RGS12: variants seen among roughly 807,000 people sequenced by gnomAD.
RGS12 encodes the protein regulator of G-protein signaling 12.
Under a neutral mutation model 120.1 loss-of-function variants are expected in RGS12, and 66 were observed. The observed-to-expected ratio is 0.55, with a 90% CI of 0.45 to 0.67. RGS12 has a LOEUF of 0.67. RGS12 is among the 30% of genes least tolerant of loss of function. RGS12 has a pLI of 0.00. For synonymous variants in RGS12, 827 were observed against 804.7 expected, an observed-to-expected ratio of 1.03 and a Z score of -0.47; for missense variants, 1,859 against 1,957.7, an observed-to-expected ratio of 0.95 and a Z score of 0.95.
intron 3 of RGS12, among the ~76,000 whole-genome samples, chr4:3,380,166 TCCAAAATGCAATAGGGCAGTCATTAAA>T (rs1445524588): frequency 3.0e-4 from 46 of 152,198 alleles, no homozygotes; most frequent in African/African-American, 1.1e-3. Context: ...CCCATGCAAG[TCCAAAATGCAATAGGGCAGTCATTAAA>T]CCAAAATGAT....
intron 1 of RGS12, among the ~76,000 whole-genome samples, chr4:3,305,555 C>T (rs1206475464): frequency 6.6e-6 from 1 of 152,364 alleles, no homozygotes; most frequent in South Asian, 2.1e-4. Flanking sequence ...TCAGCTCATC[C>T]AACCACAGCC....
intron 4 of RGS12, among the ~76,000 whole-genome samples, chr4:3,392,646 A>G (rs1169215012): frequency 1.3e-5 from 2 of 151,762 alleles, no homozygotes; most frequent in Admixed American, 6.6e-5. Context: ...AGTTCCTTCT[A>G]TTTTTTTCAT....
intron 1 of RGS12, among the ~76,000 whole-genome samples, chr4:3,308,577 G>T (rs1350789990): frequency 6.6e-6 from 1 of 152,204 alleles, no homozygotes; most frequent in Non-Finnish European, 1.5e-5. Flanking sequence ...CCCTGTGATG[G>T]TCTCCCCAGG....
At chr4:3,307,302 C>T (rs28376014) in intron 1 of RGS12, among the ~76,000 whole-genome samples, 3,203 of 152,340 alleles carry the variant, frequency 0.021, 61 homozygotes, top group Non-Finnish European at 0.033. Context: ...CCGCTGGGGA[C>T]AGGCCACGCT....
In RGS12 at chr4:3,430,961, T is replaced by C; in HGVS notation, c.4114+6T>C. 6.2e-7 allele frequency: 1 copy of C among 1,611,890 alleles called. No individual in the cohort carries two copies. The highest frequency in any genetic ancestry group is 8.5e-7 in the Non-Finnish European group (1 of 1,179,916). On this transcript the variant is annotated splice_donor_region_variant and intron_variant, in intron 17 of 17. Coordinates refer to ENST00000336727, the MANE Select transcript of RGS12 (RefSeq NM_001394154.1). ...GCCAGGACCTTCCAGACCAGGTACCTCCAGGTTCTGATCCCTCCACCTTGG... is the reference window on the plus strand; with the variant it reads ...GCCAGGACCTTCCAGACCAGGTACCCCCAGGTTCTGATCCCTCCACCTTGG...
At chr4:3,326,544 A>C (rs976553175) in intron 2 of RGS12, among the ~76,000 whole-genome samples, 1 of 152,200 alleles carries the variant, frequency 6.6e-6, no homozygotes, top group Non-Finnish European at 1.5e-5. Flanking sequence ...CCCTGGCTAG[A>C]TGTGATCTTA....
chr4:3,408,009 A>G (rs1406673), intron 4 of RGS12, among the ~76,000 whole-genome samples: 7,676 of 152,276 alleles, frequency 0.05, 615 homozygotes, highest in African/African-American at 0.17. Context: ...CGTAAACTGG[A>G]CCGTGTTCTC....
intron 2 of RGS12, among the ~76,000 whole-genome samples, chr4:3,320,358 C>T (rs935309509): frequency 2.0e-5 from 3 of 152,226 alleles, no homozygotes; most frequent in African/African-American, 7.2e-5. Context: ...GCTGTTCCCA[C>T]CCACACTGGA....
chr4:3,386,639 T>C (rs532759010), intron 4 of RGS12, among the ~76,000 whole-genome samples: 1 of 152,250 alleles, frequency 6.6e-6, no homozygotes, highest in East Asian at 1.9e-4. Flanking sequence ...TTGGAAGCTG[T>C]TTGTTAAGAG....
At chr4:3,334,501 C>T (rs1320722973) in intron 2 of RGS12, among the ~76,000 whole-genome samples, 1 of 152,010 alleles carries the variant, frequency 6.6e-6, no homozygotes, top group Non-Finnish European at 1.5e-5. Context: ...TTATCTTTGT[C>T]GAGTTTTGGT....
chr4:3,408,361 TAGAG>T (rs1721376612), intron 4 of RGS12, among the ~76,000 whole-genome samples: 1 of 152,176 alleles, frequency 6.6e-6, no homozygotes, highest in Non-Finnish European at 1.5e-5. Context: ...AAGTGAGTGT[TAGAG>T]AGGAGACGAC....
In RGS12 at chr4:3,339,103, G is replaced by A. The variant is rs185138978; in HGVS notation, c.1882-3834G>A. Among the ~76,000 whole-genome samples, 50 of 152,236 alleles carry A rather than the reference G, an allele frequency of 3.3e-4. No homozygotes were observed. In the East Asian group the frequency reaches 7.1e-3, roughly 22 times the overall value. On this transcript the variant is annotated intron_variant, in intron 2 of 17. Coordinates refer to ENST00000336727, the MANE Select transcript of RGS12 (RefSeq NM_001394154.1). ...TCTCCAAAGTGCACAGTGCATCCAC[G>A]TGTGGGCAGGCGTCAGACATCCTTT...
intron 17 of RGS12, chr4:3,432,194 C>T (rs1724374958): frequency 3.1e-6 from 3 of 981,582 alleles, no homozygotes; most frequent in East Asian, 2.3e-4. Flanking sequence ...TACAACTTTT[C>T]TTTCTCATTT....
intron 1 of RGS12, among the ~76,000 whole-genome samples, chr4:3,309,384 G>C (rs1398654810): frequency 7.2e-6 from 1 of 138,992 alleles, no homozygotes; most frequent in African/African-American, 3.0e-5. Flanking sequence ...GTGCAGGGGA[G>C]GAGCTGGGAC....
At chr4:3,294,357 G>A (rs1265036530) in intron 1 of RGS12, among the ~76,000 whole-genome samples, 1 of 152,262 alleles carries the variant, frequency 6.6e-6, no homozygotes, top group African/African-American at 2.4e-5. Context: ...AGGGCTGCTG[G>A]GGTGGAGTCC....
rs73795503 is a variant in RGS12, at chr4:3,309,643, T to A, written c.-101-6427T>A. Among the ~76,000 whole-genome samples, 12 of 32,338 alleles carry A rather than the reference T, an allele frequency of 3.7e-4. 1 individual carries two copies. The highest frequency in any genetic ancestry group is 2.5e-3 in the African/African-American group (10 of 3,936). 21.2% of individuals were successfully genotyped at this position (32,338 alleles called of 152,430 possible). On this transcript the variant is annotated intron_variant, in intron 1 of 17. Coordinates refer to ENST00000336727, the MANE Select transcript of RGS12 (RefSeq NM_001394154.1). ...CAGGTGTCCGCTGAGGGGAACCGTG[T>A]GGGGGAGGAGCTGGGACCCTGGAAT...
Position 3,389,494 on chromosome 4 carries a change from A to G in RGS12, c.2020+3057A>G, listed in dbSNP as rs1719235825. Among the ~76,000 whole-genome samples the G allele has an allele frequency of 6.6e-6, 1 of 152,164 alleles. No homozygotes were observed. Among genetic ancestry groups the G allele is most frequent in the African/African-American group, 2.4e-5 (1 of 41,428 alleles). Reference sequence around the variant, plus strand: ...GGAAGATGCCCGGTTGCTCCTGGAAAAAGGAACCTCTCACCTCTCCTGGTC... The same window carrying G: ...GGAAGATGCCCGGTTGCTCCTGGAAGAAGGAACCTCTCACCTCTCCTGGTC... On this transcript the variant is annotated intron_variant, in intron 4 of 17. Coordinates refer to ENST00000336727, the MANE Select transcript of RGS12 (RefSeq NM_001394154.1). The surrounding 1 kb of genome is among the most constrained non-coding windows in gnomAD (Gnocchi z 5.2).
At chr4:3,328,548 G>C (rs1010344866) in intron 2 of RGS12, among the ~76,000 whole-genome samples, 15 of 152,162 alleles carry the variant, frequency 9.9e-5, no homozygotes, top group African/African-American at 2.4e-5. Flanking sequence ...TGACCTCCAG[G>C]ACGGTGATGA....
At chr4:3,336,657 C>A (rs545371434) in intron 2 of RGS12, among the ~76,000 whole-genome samples, 1 of 152,080 alleles carries the variant, frequency 6.6e-6, no homozygotes, top group East Asian at 1.9e-4. Flanking sequence ...TTATTTAGAC[C>A]GAATTGGTTA....
Sources: allele counts gnomAD v4.1 joint callset (sites outside exome capture counted in the v4.1 genomes callset), GRCh38; gene constraint gnomAD v4.1.1; non-coding constraint Gnocchi (gnomAD v3.1); transcripts MANE v1.5; gene names NCBI Gene and HGNC (gene_info 2026-07-23, HGNC 2026-07-21).